GOT1: variants seen among roughly 807,000 people sequenced by gnomAD.
The protein encoded by GOT1 is aspartate aminotransferase, cytoplasmic.
In GOT1, 25 loss-of-function variants were observed where a neutral mutation model predicts 48.2. That is an observed-to-expected ratio of 0.52 (90% CI 0.38 to 0.72). GOT1 has a LOEUF of 0.72. GOT1 is among the 30% of genes least tolerant of loss of function. GOT1 has a pLI of 0.00. For synonymous variants in GOT1, 188 were observed against 193.8 expected (o/e 0.97, Z 0.25); for missense variants, 380 against 520.1 (o/e 0.73, Z 2.62).
At chr10:99,425,623 C>T (rs1202886261) in intron 1 of GOT1, among the ~76,000 whole-genome samples, 1 of 152,064 alleles carries the variant, frequency 6.6e-6, no homozygotes, top group Admixed American at 6.5e-5. Flanking sequence ...AAAGACAGAA[C>T]CTATTGACCA....
rs574527347 is a variant in GOT1 at position 99,405,242 on chromosome 10, C to T, written c.642+514G>A. ...ACACACTTTCAGCTAGGAATTCCCA[C>T]CTAGAAAGTTACGCCAAAGAAATAA... On this transcript the variant is annotated intron_variant, in intron 5 of 8. Coordinates refer to ENST00000370508, the MANE Select transcript of GOT1 (RefSeq NM_002079.3). Among the ~76,000 whole-genome samples, 443 of 152,120 alleles carry T rather than the reference C, an allele frequency of 2.9e-3. 1 individual carries two copies. Among genetic ancestry groups the T allele is most frequent in the Non-Finnish European group, 4.5e-3 (307 of 67,986 alleles).
chr10:99,423,174 AAT>A (rs1396257678), intron 1 of GOT1, among the ~76,000 whole-genome samples: 1 of 152,208 alleles, frequency 6.6e-6, no homozygotes, highest in Non-Finnish European at 1.5e-5. Context: ...TTGCCAATAT[AAT>A]ATGTCAAGTA....
intron 2 of GOT1, among the ~76,000 whole-genome samples, chr10:99,412,244 C>G (rs1248744323): frequency 6.6e-6 from 1 of 151,514 alleles, no homozygotes; most frequent in Non-Finnish European, 1.5e-5. Context: ...ACTGTAAGAA[C>G]AGGATGAAGA....
At chr10:99,408,947 A>G (rs1278185171) in intron 2 of GOT1, among the ~76,000 whole-genome samples, 3 of 152,078 alleles carry the variant, frequency 2.0e-5, no homozygotes, top group African/African-American at 7.3e-5. Context: ...ATAATAATCC[A>G]GCTTTCGTGG....
chr10:99,425,334 T>G (rs2033024991), intron 1 of GOT1, among the ~76,000 whole-genome samples: 3 of 152,178 alleles, frequency 2.0e-5, no homozygotes, highest in Admixed American at 2.0e-4. Flanking sequence ...CTGGAGTCTC[T>G]TTTAGGGAAC....
Position 99,405,741 on chromosome 10 carries a change from T to G in GOT1, c.642+15A>C. On this transcript the variant is annotated intron_variant, in intron 5 of 8. Coordinates refer to ENST00000370508, the MANE Select transcript of GOT1 (RefSeq NM_002079.3). ...ATATACTATTTTTTAAGAGATGCTC[T>G]GAAGGGGCAGTTACCTTCATGACAG... 1 of 1,219,976 alleles carries G rather than the reference T, an allele frequency of 8.2e-7. No homozygotes were observed. The allele number at this position is 1,219,976 out of a possible 1,614,324, so 75.6% of individuals were successfully genotyped here. A position where few individuals can be genotyped will look rare whatever the true frequency, so the allele number is the denominator to read the frequency against.
At chr10:99,415,180 T>C (rs1192411636) in intron 2 of GOT1, among the ~76,000 whole-genome samples, 3 of 151,798 alleles carry the variant, frequency 2.0e-5, no homozygotes, top group African/African-American at 4.8e-5. Context: ...ATCAACAAAA[T>C]TGATAGACCG....
chr10:99,408,353 A>C (rs1229008987), intron 2 of GOT1, among the ~76,000 whole-genome samples: 2 of 152,192 alleles, frequency 1.3e-5, no homozygotes, highest in Non-Finnish European at 2.9e-5. Flanking sequence ...TCAGCAGAAA[A>C]ATGTCATAAA....
In GOT1 at chr10:99,406,212, T is replaced by C. The variant is rs1486426920; in HGVS notation, c.462A>G (p.Lys154=). 6.2e-7 allele frequency: 1 copy of C among 1,613,972 alleles called. No homozygotes were observed. The part of the protein sequence containing the change: ...HNAVFSAAGF[K]DIRSYRYWDA... ...CCCAGTAGCGATAGGACCGAATGTC[T>C]TTAAAACCAGCAGCGGAAAACACAG... The change falls in exon 4 of 9, where the codon AAA becomes AAG. Residue 154 remains lysine (K), a synonymous_variant. Transcript: ENST00000370508.
At chr10:99,401,281 C>T (rs1214670755) in intron 8 of GOT1, among the ~76,000 whole-genome samples, 2 of 152,192 alleles carry the variant, frequency 1.3e-5, no homozygotes. Context: ...TCTTTACTTT[C>T]TTAGGTAGCT....
intron 1 of GOT1, chr10:99,430,238 CG>C (rs2033099265): frequency 7.0e-7 from 1 of 1,434,878 alleles, no homozygotes; most frequent in Admixed American, 2.0e-5. Context: ...TGTGCGGCCT[CG>C]GACACATCGC....
Position 99,402,720 on chromosome 10 carries a change from G to A in GOT1, c.962C>T (p.Thr321Ile), listed in dbSNP as rs946494373. The A allele has an allele frequency of 1.9e-6, 3 of 1,613,252 alleles. No homozygotes were observed. Among genetic ancestry groups the A allele is most frequent in the Non-Finnish European group, 2.5e-6 (3 of 1,179,204 alleles). ...LSNPELFEEW[T>I]GNVKTMADRI... ...GTCAGCCATTGTCTTCACATTACCT[G>A]TCCTGAAGCATGGACAGTGACGTAA... is the stretch of plus-strand genomic sequence containing the variant. The change falls in exon 8 of 9, where the codon ACA becomes ATA. Residue 321 changes from threonine to isoleucine, a missense_variant and splice_region_variant. By Grantham distance (89) the Thr-to-Ile change is moderately conservative (BLOSUM62 -1). Transcript: ENST00000370508.
In GOT1 at chr10:99,406,158, C is replaced by T; in HGVS notation, c.516G>A (p.Gln172=). 6.2e-7 allele frequency: 1 copy of T among 1,611,176 alleles called. No individual in the cohort carries two copies. ...CCACCTCCAGATCATTCAGGAAGCCCTGGAGGTCCAATCCTCTCTTCTCTG... is the reference window on the plus strand; with the variant it reads ...CCACCTCCAGATCATTCAGGAAGCCTTGGAGGTCCAATCCTCTCTTCTCTG... ...WDAEKRGLDL[Q]GFLNDLENAP... The change falls in exon 4 of 9, where the codon CAG becomes CAA. Residue 172 remains glutamine, a synonymous_variant. Transcript: ENST00000370508.
chr10:99,426,539 A>T (rs184989023), intron 1 of GOT1, among the ~76,000 whole-genome samples: 21 of 152,358 alleles, frequency 1.4e-4, no homozygotes, highest in African/African-American at 4.3e-4. Flanking sequence ...AGCAGAGTTT[A>T]TCTGGGCCAA....
intron 2 of GOT1, among the ~76,000 whole-genome samples, chr10:99,407,783 T>TTTTATTTATTTA (rs10629267): frequency 8.6e-4 from 128 of 148,790 alleles, no homozygotes; most frequent in East Asian, 2.0e-3. Flanking sequence ...AAAAGCCATA[T>TTTTATTTATTTA]TTTATTTATT....
chr10:99,416,456 T>C (rs1324114484), intron 2 of GOT1, among the ~76,000 whole-genome samples: 4 of 152,192 alleles, frequency 2.6e-5, no homozygotes, highest in Non-Finnish European at 2.9e-5. Context: ...TACAAACAAA[T>C]GGAAGAACAT....
At chr10:99,411,468 C>A (rs553384504) in intron 2 of GOT1, among the ~76,000 whole-genome samples, 1 of 152,266 alleles carries the variant, frequency 6.6e-6, no homozygotes. Context: ...TTTACTTGTT[C>A]ACTCATTCTT....
chr10:99,420,232 C>T (rs987035279), intron 2 of GOT1: 4 of 166,702 alleles, frequency 2.4e-5, no homozygotes, highest in East Asian at 3.4e-4. Flanking sequence ...GGATCACAGA[C>T]TCGCACTATG....
chr10:99,397,586 C>T lies in GOT1; in HGVS notation c.1203G>A (p.Val401=). 1 of 1,614,072 alleles carries T rather than the reference C, an allele frequency of 6.2e-7. No homozygotes were observed. Residue 401 remains valine, a synonymous_variant, in exon 9 of 9, where the codon GTG becomes GTA. Coordinates refer to ENST00000370508, the MANE Select transcript of GOT1 (RefSeq NM_002079.3). This position sits in a 1 kb window ranked among gnomAD's most constrained non-coding sequence, Gnocchi z 5.4. ...TGACTGCTTCATGGATGGAGGTGGCCACGTAATCTAGATTTTTGGTGGTTA... is the reference window on the plus strand; with the variant it reads ...TGACTGCTTCATGGATGGAGGTGGCTACGTAATCTAGATTTTTGGTGGTTA... The part of the protein sequence containing the change: ...SGLTTKNLDY[V]ATSIHEAVTK...
Sources: allele counts gnomAD v4.1 joint callset (sites outside exome capture counted in the v4.1 genomes callset), GRCh38; gene constraint gnomAD v4.1.1; non-coding constraint Gnocchi (gnomAD v3.1); transcripts MANE v1.5; gene names NCBI Gene and HGNC (gene_info 2026-07-23, HGNC 2026-07-21).